Variants in TCF4 observed in about 807,000 individuals in gnomAD.
TCF4 encodes transcription factor 4.
A neutral mutation model predicts 82.1 loss-of-function variants in TCF4; 3 were observed. The observed-to-expected ratio is 0.04, with a 90% confidence interval of 0.02 to 0.09. TCF4 has a LOEUF of 0.09. Among genes scored for constraint, TCF4 ranks in the 10% least tolerant of loss-of-function variants. TCF4 has a pLI of 1.00. For synonymous variants in TCF4, 276 were observed against 309.6 expected, an observed-to-expected ratio of 0.89 and a Z score of 1.14; for missense variants, 518 against 852.7, an observed-to-expected ratio of 0.61 and a Z score of 4.89.
intron 3 of TCF4, among the ~76,000 whole-genome samples, chr18:55,497,345 T>C (rs2096648689): frequency 6.6e-6 from 1 of 152,234 alleles, no homozygotes; most frequent in Non-Finnish European, 1.5e-5. Flanking sequence ...TTACCATATC[T>C]AATAGTCAAT....
At chr18:55,491,398 G>C (rs72930767) in intron 3 of TCF4, among the ~76,000 whole-genome samples, 6,643 of 152,178 alleles carry the variant, frequency 0.044, 157 homozygotes, top group Non-Finnish European at 0.052. Context: ...ATTCAACACT[G>C]ACACAATCGA....
chr18:55,530,502 TG>T (rs1359571964), intron 3 of TCF4, among the ~76,000 whole-genome samples: 1 of 114,656 alleles, frequency 8.7e-6, no homozygotes, highest in African/African-American at 3.4e-5. Flanking sequence ...GGCAGATGGC[TG>T]GACGGTAAAG....
chr18:55,506,409 A>G (rs2096760345), intron 3 of TCF4, among the ~76,000 whole-genome samples: 1 of 152,186 alleles, frequency 6.6e-6, no homozygotes, highest in African/African-American at 2.4e-5. Context: ...AATATATTTT[A>G]TTTATACACA....
chr18:55,286,419 T>G (rs2063707107), intron 8 of TCF4, among the ~76,000 whole-genome samples: 1 of 152,170 alleles, frequency 6.6e-6, no homozygotes, highest in African/African-American at 2.4e-5. Context: ...AACTTCATTT[T>G]GTAAAGGAGT....
At chr18:55,306,013 C>A (rs1239330004) in intron 8 of TCF4, among the ~76,000 whole-genome samples, 2 of 152,200 alleles carry the variant, frequency 1.3e-5, no homozygotes, top group Non-Finnish European at 2.9e-5. Flanking sequence ...CTACTCCCAA[C>A]AACCAGGTTG....
chr18:55,262,359 T>G (rs985307679), intron 11 of TCF4, among the ~76,000 whole-genome samples: 1 of 152,198 alleles, frequency 6.6e-6, no homozygotes, highest in Non-Finnish European at 1.5e-5. Context: ...AGTGATAAAA[T>G]GGGATTTCCA....
At chr18:55,365,191 A>ATATATATG (rs1361444592) in intron 6 of TCF4, among the ~76,000 whole-genome samples, 229 of 97,854 alleles carry the variant, frequency 2.3e-3, no homozygotes, top group Middle Eastern at 9.4e-3. Context: ...ATATATATAT[A>ATATATATG]TGTGTGTGTG....
intron 5 of TCF4, chr18:55,404,465 C>T (rs1316572442): frequency 6.6e-6 from 1 of 152,214 alleles, no homozygotes; most frequent in East Asian, 1.9e-4. Flanking sequence ...CCACCCCACG[C>T]AAGTCTAAAG....
chr18:55,532,019 T>A (rs970376538), intron 3 of TCF4, among the ~76,000 whole-genome samples: 10 of 152,240 alleles, frequency 6.6e-5, no homozygotes, highest in African/African-American at 2.4e-4. Flanking sequence ...TTTCATTGAA[T>A]AGTTAGGGTT....
intron 3 of TCF4, among the ~76,000 whole-genome samples, chr18:55,516,393 T>A (rs973189842): frequency 3.3e-5 from 5 of 152,022 alleles, no homozygotes; most frequent in East Asian, 1.9e-4. Flanking sequence ...GGTTTTTTTT[T>A]AAAGGTTTAT....
Position 55,224,908 on chromosome 18 carries a change from A to G in TCF4, c.*3127T>C, listed in dbSNP as rs1448327080. On this transcript the variant is annotated 3_prime_UTR_variant, in exon 20 of 20. Transcript: ENST00000354452. The stretch of plus-strand genomic sequence containing the variant: ...AGAGATCCCCAGCCTAAGTGTCGTC[A>G]TACAGATAGCGTAGTATGGACCCTT... The G allele has an allele frequency of 6.6e-6, 1 of 152,504 alleles. No homozygotes were observed. Among genetic ancestry groups the G allele is most frequent in the Non-Finnish European group, 1.5e-5 (1 of 68,016 alleles). 9.4% of individuals were successfully genotyped at this position (152,504 alleles called of 1,614,324 possible). A position where few individuals can be genotyped will look rare whatever the true frequency, so the allele number is the denominator to read the frequency against.
chr18:55,312,784 C>A (rs934417910), intron 8 of TCF4, among the ~76,000 whole-genome samples: 10 of 152,132 alleles, frequency 6.6e-5, no homozygotes, highest in African/African-American at 2.4e-4. Context: ...CACTTTGCAA[C>A]CTCTGGGAAG....
At chr18:55,355,299 C>A (rs1009852755) in intron 6 of TCF4, among the ~76,000 whole-genome samples, 1 of 152,056 alleles carries the variant, frequency 6.6e-6, no homozygotes, top group Non-Finnish European at 1.5e-5. Context: ...GTTTAAAATA[C>A]CTTTTATCAC....
chr18:55,385,783 G>A (rs1213819978), intron 6 of TCF4, among the ~76,000 whole-genome samples: 1 of 152,178 alleles, frequency 6.6e-6, no homozygotes, highest in Non-Finnish European at 1.5e-5. Context: ...TTCATCTTTT[G>A]CGAGTCAATG....
At chr18:55,262,425 T>C (rs2058254676) in intron 11 of TCF4, among the ~76,000 whole-genome samples, 1 of 152,206 alleles carries the variant, frequency 6.6e-6, no homozygotes, top group Non-Finnish European at 1.5e-5. Context: ...GTATGTTGTA[T>C]TTACTAAAGC....
chr18:55,446,298 C>T (rs1167698730), intron 5 of TCF4, among the ~76,000 whole-genome samples: 2 of 152,182 alleles, frequency 1.3e-5, no homozygotes, highest in African/African-American at 2.4e-5. Context: ...ACACAGGCAA[C>T]CTCCTGCCTC....
chr18:55,326,475 A>G (rs1474597005), intron 8 of TCF4, among the ~76,000 whole-genome samples: 1 of 152,062 alleles, frequency 6.6e-6, no homozygotes, highest in Non-Finnish European at 1.5e-5. Context: ...TAAAATGGAA[A>G]AAAGAATTAT....
upstream of TCF4, chr18:55,588,265 G>C (rs886053962): frequency 9.1e-6 from 13 of 1,435,116 alleles, no homozygotes; most frequent in African/African-American, 5.8e-5. Flanking sequence ...CGGAGGGAAG[G>C]GGGGAGGGGG....
At chr18:55,287,536 A>G (rs2063974888) in intron 8 of TCF4, among the ~76,000 whole-genome samples, 1 of 152,256 alleles carries the variant, frequency 6.6e-6, no homozygotes. Flanking sequence ...CAGAACGGAA[A>G]AATGTCAAGA....
Sources: gnomAD v4.1 joint callset for allele counts (sites outside exome capture counted in the v4.1 genomes callset) on GRCh38, gnomAD v4.1.1 for gene constraint, MANE v1.5 for transcripts, NCBI Gene and HGNC (gene_info 2026-07-23, HGNC 2026-07-21) for gene names.